The following MRPL50 variants were observed in gnomAD, a reference collection of about 807,000 sequenced individuals.
The protein encoded by MRPL50 is large ribosomal subunit protein mL50.
Under a neutral mutation model 16.2 loss-of-function variants are expected in MRPL50, and 10 were observed. That is an observed-to-expected ratio of 0.62 (90% CI 0.38 to 1.05). The LOEUF (loss-of-function observed/expected upper bound fraction) is 1.05. MRPL50 is among the 50% of genes least tolerant of loss of function. The pLI, the probability that MRPL50 is intolerant of heterozygous loss-of-function variation, is 0.01. For missense variants in MRPL50, 213 were observed against 187.1 expected (o/e 1.14, Z -0.81); for synonymous variants, 68 against 66.8 (o/e 1.02, Z -0.09).
At chr9:101,395,275 G>C (rs1028526358) in intron 1 of MRPL50, among the ~76,000 whole-genome samples, 2 of 152,158 alleles carry the variant, frequency 1.3e-5, no homozygotes, top group Non-Finnish European at 2.9e-5. Context: ...AATAACAAAT[G>C]CTGGCAAGGA....
In MRPL50 at chr9:101,388,821, T is replaced by C. The variant is rs1225885988; in HGVS notation, c.*1645A>G. ...AAAAGATGACTGCATCTGTACTGAA[T>C]ATGTATACTTTTTTTCCTTCTCATT... is the stretch of plus-strand genomic sequence containing the variant. On this transcript the variant is annotated 3_prime_UTR_variant, in exon 2 of 2. Coordinates refer to ENST00000374865, the MANE Select transcript of MRPL50 (RefSeq NM_019051.3). The C allele has an allele frequency of 1.3e-5, 2 of 152,166 alleles. No homozygotes were observed. Among genetic ancestry groups the C allele is most frequent in the South Asian group, 2.1e-4 (1 of 4,834 alleles). 9.4% of individuals were successfully genotyped at this position (152,166 alleles called of 1,614,324 possible). A position where few individuals can be genotyped will look rare whatever the true frequency, so the allele number is the denominator to read the frequency against.
At chr9:101,398,234 C>T (rs1397649003) in intron 1 of MRPL50, among the ~76,000 whole-genome samples, 1 of 152,126 alleles carries the variant, frequency 6.6e-6, no homozygotes, top group African/African-American at 2.4e-5. Flanking sequence ...GTTAATCCTG[C>T]TTGCTTAATA....
intron 1 of MRPL50, among the ~76,000 whole-genome samples, chr9:101,396,081 A>G (rs1432533972): frequency 1.4e-5 from 2 of 143,204 alleles, no homozygotes; most frequent in African/African-American, 5.4e-5. Flanking sequence ...ATGCATCCAT[A>G]AACATTAAAA....
chr9:101,393,077 C>T (rs1198204621), intron 1 of MRPL50, among the ~76,000 whole-genome samples: 1 of 152,104 alleles, frequency 6.6e-6, no homozygotes, highest in East Asian at 1.9e-4. Flanking sequence ...TTCGATACAT[C>T]ACATTGATAG....
At chr9:101,394,033 A>C in intron 1 of MRPL50, among the ~76,000 whole-genome samples, 2 of 145,542 alleles carry the variant, frequency 1.4e-5, no homozygotes, top group African/African-American at 2.6e-5. Flanking sequence ...AACTGACCCC[A>C]CCTTGCTTCT....
chr9:101,397,918 G>A (rs1332243507), intron 1 of MRPL50, among the ~76,000 whole-genome samples: 1 of 152,218 alleles, frequency 6.6e-6, no homozygotes, highest in Non-Finnish European at 1.5e-5. Flanking sequence ...TCTAGATCCA[G>A]CTTTGCAATT....
In MRPL50 at chr9:101,388,789, G is replaced by C. The variant is rs1830232994; in HGVS notation, c.*1677C>G. On this transcript the variant is annotated 3_prime_UTR_variant, in exon 2 of 2. Coordinates refer to ENST00000374865, the MANE Select transcript of MRPL50 (RefSeq NM_019051.3). Reference sequence around the variant, plus strand: ...CCAATTGTGGATCAAAAATGTTCGAGGGGAAAAAAAGATGACTGCATCTGT... The same window carrying C: ...CCAATTGTGGATCAAAAATGTTCGACGGGAAAAAAAGATGACTGCATCTGT... The C allele has an allele frequency of 6.6e-6, 1 of 151,888 alleles. No homozygotes were observed. The highest frequency in any genetic ancestry group is 2.1e-4 in the South Asian group (1 of 4,822). 9.4% of individuals were successfully genotyped at this position (151,888 alleles called of 1,614,324 possible).
intron 1 of MRPL50, among the ~76,000 whole-genome samples, chr9:101,397,980 C>T (rs955004754): frequency 3.9e-5 from 6 of 152,154 alleles, no homozygotes; most frequent in African/African-American, 2.4e-5. Flanking sequence ...GGCCTGTTTC[C>T]TCATATGTTG....
chr9:101,392,591 A>G (rs1830288113), intron 1 of MRPL50, among the ~76,000 whole-genome samples: 1 of 152,086 alleles, frequency 6.6e-6, no homozygotes. Flanking sequence ...TGAATCACGA[A>G]GAAAAAGAAA....
At chr9:101,396,740 G>A (rs1018779477) in intron 1 of MRPL50, among the ~76,000 whole-genome samples, 8 of 151,986 alleles carry the variant, frequency 5.3e-5, no homozygotes, top group South Asian at 2.1e-4. Flanking sequence ...TCAAGAGATC[G>A]AGACCATTCT....
chr9:101,397,619 T>C (rs933907006), intron 1 of MRPL50, among the ~76,000 whole-genome samples: 4 of 152,150 alleles, frequency 2.6e-5, no homozygotes, highest in African/African-American at 9.7e-5. Context: ...TAAAAAATAT[T>C]TGTTGAGTGA....
rs1304477272 is a variant in MRPL50, at chr9:101,389,959, A to T, written c.*507T>A. The T allele has an allele frequency of 1.1e-6, 1 of 899,238 alleles. No individual in the cohort carries two copies. The allele number at this position is 899,238 out of a possible 1,614,324, so 55.7% of individuals were successfully genotyped here. A position where few individuals can be genotyped will look rare whatever the true frequency, so the allele number is the denominator to read the frequency against. On this transcript the variant is annotated 3_prime_UTR_variant, in exon 2 of 2. Transcript: ENST00000374865. ...AAATTTCACTTAAAAAATTTACAACACACAATACACTTTAACAAATCTACT... is the reference window on the plus strand; with the variant it reads ...AAATTTCACTTAAAAAATTTACAACTCACAATACACTTTAACAAATCTACT...
Position 101,390,801 on chromosome 9 carries a change from G to C in MRPL50, c.142C>G (p.Pro48Ala). 6.2e-7 allele frequency: 1 copy of C among 1,611,502 alleles called. No individual in the cohort carries two copies. Among genetic ancestry groups the C allele is most frequent in the Non-Finnish European group, 8.5e-7 (1 of 1,179,008 alleles). Reference sequence around the variant, plus strand: ...CGTAAAGGTGGACACACTAGGATAGGTTCCTTTTTCTCTTCTACTGTCTCA... The same window carrying C: ...CGTAAAGGTGGACACACTAGGATAGCTTCCTTTTTCTCTTCTACTGTCTCA... ...VVETVEEKKE[P>A]ILVCPPLRSR... Residue 48 changes from proline (P) to alanine (A), a missense_variant, in exon 2 of 2, where the codon CCT (proline) becomes GCT (alanine). Physicochemically the swap from Pro to Ala is conservative, Grantham distance 27. Transcript: ENST00000374865.
Position 101,390,494 on chromosome 9 carries a change from G to A in MRPL50, c.449C>T (p.Pro150Leu). 2 of 1,611,332 alleles carry A rather than the reference G, an allele frequency of 1.2e-6. No homozygotes were observed. The highest frequency in any genetic ancestry group is 1.7e-6 in the Non-Finnish European group (2 of 1,178,634). ...GTAACTCCAAGTGATTTTCAAATTG[G>A]GGGGCAGATTACTGGCACTGAGTTC... ...FDELSASNLP[P>L]NLKITWSY The change falls in exon 2 of 2, where the codon CCC becomes CTC. Residue 150 changes from proline (P) to leucine (L), a missense_variant. By Grantham distance (98) the Pro-to-Leu change is moderately conservative. Coordinates refer to ENST00000374865, the MANE Select transcript of MRPL50 (RefSeq NM_019051.3).
Position 101,389,876 on chromosome 9 carries a change from A to G in MRPL50, c.*590T>C. On this transcript the variant is annotated 3_prime_UTR_variant, in exon 2 of 2. Coordinates refer to ENST00000374865, the MANE Select transcript of MRPL50 (RefSeq NM_019051.3). ...TCACAGCACTCAATATTTGGCATAT[A>G]TTCTAATTTTTTCAAAATTATACTT... 4.6e-6 allele frequency: 2 copies of G among 434,152 alleles called. No individual in the cohort carries two copies. Among genetic ancestry groups the G allele is most frequent in the Non-Finnish European group, 6.1e-6 (2 of 325,746 alleles). The allele number at this position is 434,152 out of a possible 1,614,324, so 26.9% of individuals were successfully genotyped here.
intron 1 of MRPL50, among the ~76,000 whole-genome samples, chr9:101,395,995 T>G (rs758038804): frequency 1.3e-5 from 2 of 152,214 alleles, no homozygotes; most frequent in Non-Finnish European, 2.9e-5. Context: ...ATACGTCAAC[T>G]ATTCAGATTT....
At position 101,390,764 on chromosome 9, in the gene MRPL50, T is replaced by A. The variant is rs1309390485; in HGVS notation, c.179A>T (p.Tyr60Phe). The stretch of plus-strand genomic sequence containing the variant: ...ACTCTGGAGATCTTCAGGTGGTGTG[T>A]ATGCTCGGCTTCGTAAAGGTGGACA... ...LVCPPLRSRAYTPPEDLQSRL... is the reference protein window; with the variant it reads ...LVCPPLRSRAFTPPEDLQSRL... The change falls in exon 2 of 2, where the codon TAC becomes TTC. Residue 60 changes from tyrosine to phenylalanine, a missense_variant. By Grantham distance (22) the Tyr-to-Phe change is conservative (BLOSUM62 3). Transcript: ENST00000374865. The A allele has an allele frequency of 6.2e-7, 1 of 1,613,574 alleles. No individual in the cohort carries two copies. Among genetic ancestry groups the A allele is most frequent in the African/African-American group, 1.3e-5 (1 of 74,894 alleles).
In MRPL50 at chr9:101,390,867, C is replaced by T. The variant is rs1410406480; in HGVS notation, c.93-17G>A. On this transcript the variant is annotated splice_polypyrimidine_tract_variant and intron_variant, in intron 1 of 1. Coordinates refer to ENST00000374865, the MANE Select transcript of MRPL50 (RefSeq NM_019051.3). ...TTCTCTTTTCTGGAATGATCAAAAA[C>T]AAACAGACAAATCCATTAATGAAGT... is the stretch of plus-strand genomic sequence containing the variant. 9.6e-6 allele frequency: 15 copies of T among 1,563,992 alleles called. No homozygotes were observed. The highest frequency in any genetic ancestry group is 1.3e-5 in the Non-Finnish European group (15 of 1,160,580).
At position 101,394,743 on chromosome 9, in the gene MRPL50, G is replaced by A. The variant is rs113392642; in HGVS notation, c.92+3758C>T. On this transcript the variant is annotated intron_variant, in intron 1 of 1. Coordinates refer to ENST00000374865, the MANE Select transcript of MRPL50 (RefSeq NM_019051.3). ...GCTTCAGGACATTGGTCTGGGCAACGACTTCTTGAGTAAGACCTCAAAAGC... is the reference window on the plus strand; with the variant it reads ...GCTTCAGGACATTGGTCTGGGCAACAACTTCTTGAGTAAGACCTCAAAAGC... Among the ~76,000 whole-genome samples the A allele has an allele frequency of 6.9e-3, 1,056 of 152,236 alleles. 14 individuals are homozygous for A. The highest frequency in any genetic ancestry group is 0.024 in the African/African-American group (1,012 of 41,518).
Sources: allele counts gnomAD v4.1 joint callset (sites outside exome capture counted in the v4.1 genomes callset), GRCh38; gene constraint gnomAD v4.1.1; transcripts MANE v1.5; gene names NCBI Gene and HGNC (gene_info 2026-07-23, HGNC 2026-07-21).